CDH12: variants seen among roughly 807,000 people sequenced by gnomAD.
CDH12 encodes the protein cadherin-12.
In CDH12, 41 loss-of-function variants were observed where a neutral mutation model predicts 74.1. That is an observed-to-expected ratio of 0.55 (90% CI 0.43 to 0.72). The LOEUF is 0.72. Ranked by LOEUF, CDH12 falls within the 30% of genes least tolerant of loss-of-function variation. The pLI is 0.00. For missense variants in CDH12, 945 were observed against 977.2 expected, an observed-to-expected ratio of 0.97 and a Z score of 0.44; for synonymous variants, 399 against 355.0, an observed-to-expected ratio of 1.12 and a Z score of -1.39.
chr5:22,468,911 T>C (rs1745845577), intron 2 of CDH12, among the ~76,000 whole-genome samples: 3 of 152,226 alleles, frequency 2.0e-5, no homozygotes, highest in Admixed American at 2.0e-4. Context: ...CATGATACAC[T>C]TTCTATGTTC....
intron 1 of CDH12, among the ~76,000 whole-genome samples, chr5:22,800,874 A>G (rs762455759): frequency 3.3e-5 from 5 of 152,008 alleles, no homozygotes; most frequent in Non-Finnish European, 7.4e-5. Context: ...ACGGCTCGAT[A>G]GATTATATTT....
rs555301144 is a variant in CDH12 at position 21,882,852 on chromosome 5, G to C, written c.527-28062C>G. 6.3e-6 allele frequency: 10 copies of C among 1,578,496 alleles called. No homozygotes were observed. In the East Asian group the frequency reaches 2.0e-4, roughly 32 times the overall value. ...TGTTGCAAAGTCAATTGACTTGAAG[G>C]ATAAATATAAAAACATTGGAGCTAA... On this transcript the variant is annotated intron_variant, in intron 6 of 14. Coordinates refer to ENST00000382254, the MANE Select transcript of CDH12 (RefSeq NM_004061.5).
intron 1 of CDH12, among the ~76,000 whole-genome samples, chr5:22,852,484 C>T (rs761070991): frequency 1.3e-5 from 2 of 152,156 alleles, no homozygotes; most frequent in Admixed American, 6.5e-5. Context: ...GGTAATCTAT[C>T]TCTTTCATTT....
chr5:22,683,415 T>C (rs1561575008), intron 1 of CDH12, among the ~76,000 whole-genome samples: 1 of 152,118 alleles, frequency 6.6e-6, no homozygotes, highest in South Asian at 2.1e-4. Context: ...GTAACACACA[T>C]GTAATCTAGT....
rs115545022 is a variant in CDH12 at position 21,948,414 on chromosome 5, C to T, written c.526+26677G>A. On this transcript the variant is annotated intron_variant, in intron 6 of 14. Coordinates refer to ENST00000382254, the MANE Select transcript of CDH12 (RefSeq NM_004061.5). ...TTAAAGCTTTATGTTTTAATGACTGCCCTGCTGGGTTTCAGACTTTCATGG... is the reference window on the plus strand; with the variant it reads ...TTAAAGCTTTATGTTTTAATGACTGTCCTGCTGGGTTTCAGACTTTCATGG... Among the ~76,000 whole-genome samples the T allele has an allele frequency of 3.4e-3, 516 of 152,324 alleles. 2 individuals are homozygous for T. Among genetic ancestry groups the T allele is most frequent in the African/African-American group, 0.012 (483 of 41,566 alleles).
intron 4 of CDH12, among the ~76,000 whole-genome samples, chr5:22,208,723 A>C (rs1411127569): frequency 2.0e-5 from 3 of 151,818 alleles, no homozygotes; most frequent in Non-Finnish European, 2.9e-5. Flanking sequence ...TTTCTCATCA[A>C]ATCTACTGCG....
intron 4 of CDH12, among the ~76,000 whole-genome samples, chr5:22,100,652 G>GACACAC (rs150777646): frequency 0.044 from 6,296 of 144,284 alleles, 193 homozygotes; most frequent in East Asian, 0.1. Flanking sequence ...CCATACATTA[G>GACACAC]ACACACACAC....
intron 6 of CDH12, among the ~76,000 whole-genome samples, chr5:21,894,152 G>A (rs4642330): frequency 0.71 from 108,459 of 151,960 alleles, 40,121 homozygotes; most frequent in Non-Finnish European, 0.8. Flanking sequence ...GCCAAGGCGG[G>A]TGGATCACCT....
intron 1 of CDH12, among the ~76,000 whole-genome samples, chr5:22,762,423 G>A (rs1746275749): frequency 1.3e-5 from 2 of 151,978 alleles, no homozygotes; most frequent in South Asian, 4.1e-4. Context: ...TGTGATTTGA[G>A]TTTTATTGTA....
chr5:21,953,320 C>A (rs564352782), intron 6 of CDH12, among the ~76,000 whole-genome samples: 61 of 152,296 alleles, frequency 4.0e-4, no homozygotes, highest in South Asian at 1.2e-3. Context: ...CCCTGACCTA[C>A]CTGCAATTAC....
intron 3 of CDH12, among the ~76,000 whole-genome samples, chr5:22,311,123 A>T (rs1412223507): frequency 6.6e-6 from 1 of 152,200 alleles, no homozygotes; most frequent in Non-Finnish European, 1.5e-5. Flanking sequence ...ACAAATGTGG[A>T]TCTAAAGGGA....
chr5:22,317,569 T>C (rs1738686164), intron 3 of CDH12, among the ~76,000 whole-genome samples: 1 of 152,144 alleles, frequency 6.6e-6, no homozygotes, highest in Admixed American at 6.5e-5. Flanking sequence ...TTAATTTGAT[T>C]GTAAACTGAA....
chr5:21,964,564 G>A (rs1756500051), intron 6 of CDH12, among the ~76,000 whole-genome samples: 1 of 151,604 alleles, frequency 6.6e-6, no homozygotes, highest in South Asian at 2.1e-4. Flanking sequence ...TCTTCTTATT[G>A]TAAAAATAAA....
intron 1 of CDH12, among the ~76,000 whole-genome samples, chr5:22,661,761 T>C (rs1740360409): frequency 6.6e-6 from 1 of 152,172 alleles, no homozygotes; most frequent in Non-Finnish European, 1.5e-5. Flanking sequence ...TGCCATTTAC[T>C]GTAAGAAAGC....
At chr5:22,259,216 T>C (rs1029582244) in intron 3 of CDH12, among the ~76,000 whole-genome samples, 1 of 152,148 alleles carries the variant, frequency 6.6e-6, no homozygotes, top group African/African-American at 2.4e-5. Context: ...GAAGTACTTA[T>C]CTAATTAATT....
intron 2 of CDH12, among the ~76,000 whole-genome samples, chr5:22,479,704 T>A (rs1746308313): frequency 6.6e-6 from 1 of 152,238 alleles, no homozygotes; most frequent in Non-Finnish European, 1.5e-5. Context: ...CTGTAAGAAA[T>A]TCAAAGTCAC....
chr5:22,550,153 T>G (rs1738504654), intron 1 of CDH12, among the ~76,000 whole-genome samples: 1 of 152,218 alleles, frequency 6.6e-6, no homozygotes, highest in African/African-American at 2.4e-5. Context: ...ATTTTCTGTC[T>G]CATTTCCTGA....
Position 22,461,494 on chromosome 5 carries a change from A to C in CDH12, c.-428+43776T>G, listed in dbSNP as rs886953777. On this transcript the variant is annotated intron_variant, in intron 2 of 14. Coordinates refer to ENST00000382254, the MANE Select transcript of CDH12 (RefSeq NM_004061.5). ...AGTTAAAAAAAAGCAAAAAAAAAAAACCTGCATTCATTAAATAAAGGAAGT... is the reference window on the plus strand; with the variant it reads ...AGTTAAAAAAAAGCAAAAAAAAAAACCCTGCATTCATTAAATAAAGGAAGT... Among the ~76,000 whole-genome samples the C allele has an allele frequency of 3.3e-5, 5 of 151,108 alleles. No individual in the cohort carries two copies. In the East Asian group the frequency reaches 5.8e-4, roughly 18 times the overall value.
chr5:22,375,548 G>C (rs887558372), intron 3 of CDH12, among the ~76,000 whole-genome samples: 3 of 152,066 alleles, frequency 2.0e-5, no homozygotes, highest in African/African-American at 7.2e-5. Context: ...CTATTCATCT[G>C]ACAAAGGACT....
Sources: allele counts gnomAD v4.1 joint callset (sites outside exome capture counted in the v4.1 genomes callset), GRCh38; gene constraint gnomAD v4.1.1; transcripts MANE v1.5; gene names NCBI Gene and HGNC (gene_info 2026-07-23, HGNC 2026-07-21).